The following OSBPL8 variants were observed in gnomAD, a reference collection of about 807,000 sequenced individuals.
OSBPL8 encodes oxysterol-binding protein-related protein 8.
Under a neutral mutation model 125.5 loss-of-function variants are expected in OSBPL8, and 59 were observed. The ratio of observed to expected loss-of-function variants is 0.47; its 90% confidence interval spans 0.38 to 0.58. OSBPL8 has a LOEUF of 0.58. Ranked by LOEUF, OSBPL8 falls within the 20% of genes least tolerant of loss-of-function variation. OSBPL8 has a pLI of 0.00. For missense variants in OSBPL8, 758 were observed against 1,047.8 expected, an observed-to-expected ratio of 0.72 and a Z score of 3.82; for synonymous variants, 330 against 338.9, an observed-to-expected ratio of 0.97 and a Z score of 0.29.
intron 1 of OSBPL8, among the ~76,000 whole-genome samples, chr12:76,493,347 T>C (rs1432038144): frequency 6.6e-6 from 1 of 152,208 alleles, no homozygotes; most frequent in Non-Finnish European, 1.5e-5. Flanking sequence ...GTTTTCATGT[T>C]ACTAATTAGC....
At chr12:76,462,160 T>G (rs895497875) in intron 2 of OSBPL8, among the ~76,000 whole-genome samples, 13 of 152,214 alleles carry the variant, frequency 8.5e-5, no homozygotes, top group Non-Finnish European at 2.9e-5. Flanking sequence ...GTTTTACAGT[T>G]CATCTTCTAT....
chr12:76,455,229 C>G (rs180831456), intron 3 of OSBPL8, among the ~76,000 whole-genome samples: 1 of 149,700 alleles, frequency 6.7e-6, no homozygotes, highest in Non-Finnish European at 1.5e-5. Flanking sequence ...GGCGACAGAG[C>G]GAGACTCTAT....
chr12:76,462,857 C>T (rs1874907014), intron 2 of OSBPL8, among the ~76,000 whole-genome samples: 1 of 152,036 alleles, frequency 6.6e-6, no homozygotes, highest in Non-Finnish European at 1.5e-5. Flanking sequence ...ATGATGCAAG[C>T]AAGTCTGGAA....
In OSBPL8 at chr12:76,400,412, T is replaced by C. The variant is rs551472188; in HGVS notation, c.367-438A>G. Among the ~76,000 whole-genome samples, 318 of 152,352 alleles carry C rather than the reference T, an allele frequency of 2.1e-3. 3 individuals carry two copies. Among genetic ancestry groups the C allele is most frequent in the African/African-American group, 7.4e-3 (306 of 41,570 alleles). On this transcript the variant is annotated intron_variant, in intron 6 of 23. Coordinates refer to ENST00000261183, the MANE Select transcript of OSBPL8 (RefSeq NM_020841.5). Reference sequence around the variant, plus strand: ...ATCCAGTCTCTCATTGATGGGCATTTAGGTTGATTCCATGTCTTTGCTATT... The same window carrying C: ...ATCCAGTCTCTCATTGATGGGCATTCAGGTTGATTCCATGTCTTTGCTATT...
At chr12:76,401,171 C>A (rs889424020) in intron 6 of OSBPL8, among the ~76,000 whole-genome samples, 7 of 152,072 alleles carry the variant, frequency 4.6e-5, no homozygotes, top group Non-Finnish European at 7.4e-5. Context: ...TTTTATTATA[C>A]CCCCAACCTA....
intron 4 of OSBPL8, among the ~76,000 whole-genome samples, chr12:76,450,141 T>G (rs1873210979): frequency 6.6e-6 from 1 of 152,174 alleles, no homozygotes; most frequent in South Asian, 2.1e-4. Context: ...GTTTTGTCCC[T>G]CAAGGGATAC....
intron 2 of OSBPL8, among the ~76,000 whole-genome samples, chr12:76,471,345 T>C (rs1314736595): frequency 1.3e-5 from 2 of 152,110 alleles, no homozygotes; most frequent in Non-Finnish European, 2.9e-5. Flanking sequence ...CTATATTTTC[T>C]CCCTTAAGGA....
chr12:76,403,728 G>T (rs987189369), intron 5 of OSBPL8, among the ~76,000 whole-genome samples: 1 of 152,136 alleles, frequency 6.6e-6, no homozygotes, highest in South Asian at 2.1e-4. Flanking sequence ...TACAGAACTT[G>T]ATTCAAATGG....
chr12:76,413,180 G>C (rs1222841714), intron 4 of OSBPL8, among the ~76,000 whole-genome samples: 1 of 152,078 alleles, frequency 6.6e-6, no homozygotes, highest in Non-Finnish European at 1.5e-5. Flanking sequence ...ATGTATAACA[G>C]AGAATACTTA....
intron 2 of OSBPL8, among the ~76,000 whole-genome samples, chr12:76,470,959 G>C (rs1876065017): frequency 6.6e-6 from 1 of 152,006 alleles, no homozygotes. Flanking sequence ...ATTATATTAG[G>C]TAATGAATAT....
At position 76,419,339 on chromosome 12, in the gene OSBPL8, A is replaced by G. The variant is rs538898224; in HGVS notation, c.218-8705T>C. Among the ~76,000 whole-genome samples the G allele has an allele frequency of 7.2e-5, 11 of 152,326 alleles. No individual in the cohort carries two copies. In the South Asian group the frequency reaches 1.7e-3, roughly 23 times the overall value. On this transcript the variant is annotated intron_variant, in intron 4 of 23. Coordinates refer to ENST00000261183, the MANE Select transcript of OSBPL8 (RefSeq NM_020841.5). ...ATTGCATTTAGGGATAAAAACATGA[A>G]AAGACATTGTTCCCTATCATTCCTT... is the stretch of plus-strand genomic sequence containing the variant.
chr12:76,477,783 A>G (rs1876987880), intron 2 of OSBPL8, among the ~76,000 whole-genome samples: 1 of 152,180 alleles, frequency 6.6e-6, no homozygotes, highest in Non-Finnish European at 1.5e-5. Context: ...AAGGGGGGGT[A>G]CAACATATAT....
chr12:76,452,297 A>G (rs572159351), intron 3 of OSBPL8, among the ~76,000 whole-genome samples: 7 of 152,182 alleles, frequency 4.6e-5, no homozygotes, highest in Non-Finnish European at 1.0e-4. Flanking sequence ...AAAAATACAA[A>G]AACACTTGCA....
At chr12:76,557,812 AT>A (rs1951153953) in intron 1 of OSBPL8, among the ~76,000 whole-genome samples, 1 of 152,246 alleles carries the variant, frequency 6.6e-6, no homozygotes, top group African/African-American at 2.4e-5. Flanking sequence ...TGAATGTGTT[AT>A]AAAAAACATA....
intron 1 of OSBPL8, among the ~76,000 whole-genome samples, chr12:76,535,846 C>T (rs1300577116): frequency 2.6e-5 from 4 of 152,026 alleles, no homozygotes; most frequent in African/African-American, 9.7e-5. Flanking sequence ...TAACAGAACC[C>T]GAATCAGTCA....
chr12:76,468,145 A>C (rs1875689471), intron 2 of OSBPL8, among the ~76,000 whole-genome samples: 3 of 152,194 alleles, frequency 2.0e-5, no homozygotes, highest in African/African-American at 7.2e-5. Context: ...AAGACTAAGA[A>C]AGGACCTAGA....
At chr12:76,521,668 T>C (rs1425011595) in intron 1 of OSBPL8, among the ~76,000 whole-genome samples, 1 of 152,184 alleles carries the variant, frequency 6.6e-6, no homozygotes, top group African/African-American at 2.4e-5. Context: ...ATTGAGGACA[T>C]TATGCTAAGT....
At chr12:76,395,463 A>G (rs1953751775) in intron 8 of OSBPL8, among the ~76,000 whole-genome samples, 1 of 152,216 alleles carries the variant, frequency 6.6e-6, no homozygotes, top group African/African-American at 2.4e-5. Context: ...AATGAAATAA[A>G]TTTCCAAAAA....
intron 4 of OSBPL8, among the ~76,000 whole-genome samples, chr12:76,434,215 C>G (rs1490702936): frequency 1.3e-5 from 2 of 152,108 alleles, no homozygotes; most frequent in Non-Finnish European, 2.9e-5. Flanking sequence ...TTATGGTCAA[C>G]TGATCTTCAA....
Sources: allele counts gnomAD v4.1 joint callset (sites outside exome capture counted in the v4.1 genomes callset), GRCh38; gene constraint gnomAD v4.1.1; transcripts MANE v1.5; gene names NCBI Gene and HGNC (gene_info 2026-07-23, HGNC 2026-07-21).